The following ROBO2 variants were observed in gnomAD, a reference collection of about 807,000 sequenced individuals.
The protein encoded by ROBO2 is roundabout guidance receptor 2.
ROBO2 carries 53 observed loss-of-function variants against 160.8 expected under a neutral mutation model. The observed-to-expected ratio is 0.33, with a 90% CI of 0.26 to 0.41. ROBO2 has a LOEUF of 0.41. Ranked by LOEUF, ROBO2 falls within the 10% of genes least tolerant of loss-of-function variation. The probability of loss-of-function intolerance (pLI) is 1.00; values close to 1 mark genes in which losing one functional copy is unlikely to be tolerated. For missense variants in ROBO2, 1,577 were observed against 1,722.4 expected (o/e 0.92, Z 1.49); for synonymous variants, 664 against 611.7 (o/e 1.09, Z -1.26).
chr3:76,369,673 C>G (rs934187418), intron 2 of ROBO2, among the ~76,000 whole-genome samples: 1 of 151,896 alleles, frequency 6.6e-6, no homozygotes, highest in Non-Finnish European at 1.5e-5. Context: ...AAACTGGGCT[C>G]TATCTTTGGT....
intron 2 of ROBO2, among the ~76,000 whole-genome samples, chr3:76,340,481 A>G (rs2074157610): frequency 6.6e-6 from 1 of 152,158 alleles, no homozygotes; most frequent in African/African-American, 2.4e-5. Flanking sequence ...TAAAAATATA[A>G]GTAATGTGAA....
At chr3:76,122,250 C>A (rs2070781800) in intron 2 of ROBO2, among the ~76,000 whole-genome samples, 2 of 151,828 alleles carry the variant, frequency 1.3e-5, no homozygotes, top group African/African-American at 4.8e-5. Context: ...TATTTATTTT[C>A]TCTGTGGCTA....
chr3:76,258,953 T>A (rs1426254963), intron 2 of ROBO2, among the ~76,000 whole-genome samples: 1 of 152,104 alleles, frequency 6.6e-6, no homozygotes, highest in Non-Finnish European at 1.5e-5. Flanking sequence ...TCACATTTTA[T>A]CAACTTTTCT....
intron 2 of ROBO2, among the ~76,000 whole-genome samples, chr3:76,605,442 A>G (rs1198469190): frequency 6.6e-6 from 1 of 152,138 alleles, no homozygotes; most frequent in Non-Finnish European, 1.5e-5. Flanking sequence ...TTGAGCTAGA[A>G]AACATTTAAA....
At chr3:76,298,399 G>A (rs188920795) in intron 2 of ROBO2, among the ~76,000 whole-genome samples, 22 of 152,098 alleles carry the variant, frequency 1.4e-4, no homozygotes, top group Non-Finnish European at 2.6e-4. Flanking sequence ...TAGAGGTGGC[G>A]TCTCTAAATT....
intron 2 of ROBO2, among the ~76,000 whole-genome samples, chr3:76,183,768 T>G (rs1002236286): frequency 5.9e-5 from 9 of 152,158 alleles, no homozygotes; most frequent in Non-Finnish European, 8.8e-5. Flanking sequence ...TGTTTATAAG[T>G]TGAATTATAA....
chr3:77,392,965 G>A (rs2074894080), intron 2 of ROBO2, among the ~76,000 whole-genome samples: 2 of 152,076 alleles, frequency 1.3e-5, no homozygotes. Flanking sequence ...TATCATTGAT[G>A]CTCATAAAAT....
chr3:76,998,453 T>C (rs2061153017), intron 2 of ROBO2, among the ~76,000 whole-genome samples: 1 of 152,104 alleles, frequency 6.6e-6, no homozygotes, highest in Admixed American at 6.6e-5. Context: ...ATGTTTAACA[T>C]ACATACTTTA....
At chr3:76,803,286 T>G (rs965024655) in intron 2 of ROBO2, among the ~76,000 whole-genome samples, 1 of 152,110 alleles carries the variant, frequency 6.6e-6, no homozygotes, top group Admixed American at 6.5e-5. Flanking sequence ...GCAAAGGAGA[T>G]TCCTCTGGAT....
chr3:77,223,661 T>C (rs909209634), intron 2 of ROBO2, among the ~76,000 whole-genome samples: 3 of 152,086 alleles, frequency 2.0e-5, no homozygotes, highest in Non-Finnish European at 4.4e-5. Flanking sequence ...GCTAGCTTGG[T>C]TCACCCAATT....
intron 2 of ROBO2, among the ~76,000 whole-genome samples, chr3:77,219,434 G>GTATATATA (rs369099644): frequency 0.012 from 1,363 of 115,190 alleles, 17 homozygotes; most frequent in East Asian, 0.033. Context: ...GTATGTGTGT[G>GTATATATA]TATATATATA....
intron 4 of ROBO2, among the ~76,000 whole-genome samples, chr3:77,485,285 C>G (rs1266413829): frequency 1.3e-5 from 2 of 152,088 alleles, no homozygotes; most frequent in African/African-American, 4.8e-5. Context: ...TAGAATTATA[C>G]TTTAGTTAGG....
chr3:76,992,004 A>G (rs2060693344), intron 2 of ROBO2, among the ~76,000 whole-genome samples: 1 of 152,172 alleles, frequency 6.6e-6, no homozygotes, highest in African/African-American at 2.4e-5. Flanking sequence ...ATGACCAAAT[A>G]GAACTTCTAG....
chr3:76,369,388 C>T (rs536514414), intron 2 of ROBO2, among the ~76,000 whole-genome samples: 1 of 152,000 alleles, frequency 6.6e-6, no homozygotes, highest in Admixed American at 6.6e-5. Context: ...AGAGTTCTGC[C>T]ACTAGGGTCT....
chr3:76,313,279 G>A (rs752247365), intron 2 of ROBO2, among the ~76,000 whole-genome samples: 2 of 152,124 alleles, frequency 1.3e-5, no homozygotes, highest in African/African-American at 4.8e-5. Flanking sequence ...ATGTAGCCTC[G>A]CCTTGATATG....
chr3:75,994,591 C>G (rs2065671189), intron 2 of ROBO2, among the ~76,000 whole-genome samples: 1 of 152,172 alleles, frequency 6.6e-6, no homozygotes, highest in Admixed American at 6.5e-5. Context: ...CTTCCTCAGC[C>G]ATGTATAGTT....
intron 2 of ROBO2, among the ~76,000 whole-genome samples, chr3:76,409,881 A>G (rs2108824037): frequency 6.6e-6 from 1 of 152,274 alleles, no homozygotes; most frequent in Admixed American, 6.5e-5. Flanking sequence ...GTGAAGACAT[A>G]TGATAGAGTA....
intron 2 of ROBO2, among the ~76,000 whole-genome samples, chr3:76,481,667 A>C (rs1190491098): frequency 6.6e-6 from 1 of 152,102 alleles, no homozygotes; most frequent in Admixed American, 6.6e-5. Context: ...CAGTCCTTTT[A>C]AACCAGGAAC....
chr3:76,364,123 A>G (rs2075677410), intron 2 of ROBO2, among the ~76,000 whole-genome samples: 4 of 152,152 alleles, frequency 2.6e-5, no homozygotes, highest in African/African-American at 9.6e-5. Flanking sequence ...AGCTTTCTTC[A>G]TGCCTGAAGA....
Sources: gnomAD v4.1 joint callset for allele counts (sites outside exome capture counted in the v4.1 genomes callset) on GRCh38, gnomAD v4.1.1 for gene constraint, MANE v1.5 for transcripts, NCBI Gene and HGNC (gene_info 2026-07-23, HGNC 2026-07-21) for gene names.